The following EYS variants were observed in gnomAD, a reference collection of about 807,000 sequenced individuals.
EYS encodes protein eyes shut homolog.
EYS carries 250 observed loss-of-function variants against 282.1 expected under a neutral mutation model. The observed-to-expected ratio is 0.89, with a 90% confidence interval of 0.80 to 0.98. The LOEUF (loss-of-function observed/expected upper bound fraction) is 0.98. Ranked by LOEUF, EYS falls within the 50% of genes least tolerant of loss-of-function variation. The pLI is 0.00. For synonymous variants in EYS, 1,355 were observed against 1,282.9 expected, an observed-to-expected ratio of 1.06 and a Z score of -1.20; for missense variants, 4,016 against 3,709.0, an observed-to-expected ratio of 1.08 and a Z score of -2.15.
chr6:64,940,888 A>G (rs1369616406), intron 15 of EYS, among the ~76,000 whole-genome samples: 7 of 152,102 alleles, frequency 4.6e-5, no homozygotes, highest in Admixed American at 2.0e-4. Context: ...CCTTAATCAC[A>G]AGGCAAAAGA....
chr6:64,023,138 C>T (rs1055090257), intron 33 of EYS, among the ~76,000 whole-genome samples: 1 of 152,214 alleles, frequency 6.6e-6, no homozygotes, highest in African/African-American at 2.4e-5. Context: ...GATTATTGCA[C>T]TTAGCATAAA....
At chr6:65,545,532 G>A (rs1318255554) in intron 2 of EYS, among the ~76,000 whole-genome samples, 4 of 152,050 alleles carry the variant, frequency 2.6e-5, no homozygotes, top group Admixed American at 2.0e-4. Flanking sequence ...AAGAAAGTGG[G>A]ATCAAAGAGT....
chr6:65,067,099 A>C, intron 12 of EYS, among the ~76,000 whole-genome samples: 1 of 152,134 alleles, frequency 6.6e-6, no homozygotes, highest in East Asian at 1.9e-4. Flanking sequence ...GTTGGATCAA[A>C]CTAAAGAAAA....
chr6:64,802,023 C>CTTTTTTTCTTTTTTT (rs1663451250), intron 22 of EYS, among the ~76,000 whole-genome samples: 9 of 70,780 alleles, frequency 1.3e-4, no homozygotes, highest in African/African-American at 4.4e-4. Context: ...ATTTCTTTTT[C>CTTTTTTTCTTTTTTT]TTTTTTTTTC....
intron 12 of EYS, among the ~76,000 whole-genome samples, chr6:65,242,350 G>C (rs1767077720): frequency 6.6e-6 from 1 of 151,944 alleles, no homozygotes; most frequent in Admixed American, 6.6e-5. Flanking sequence ...TGCCTTTTCT[G>C]TATATTTCTT....
intron 8 of EYS, among the ~76,000 whole-genome samples, chr6:65,377,134 C>G (rs755738930): frequency 5.9e-5 from 9 of 152,096 alleles, no homozygotes; most frequent in Admixed American, 2.0e-4. Context: ...GTAAAACACT[C>G]CTCAACAAAT....
intron 9 of EYS, among the ~76,000 whole-genome samples, chr6:65,351,720 A>C (rs1420043771): frequency 6.6e-6 from 1 of 151,812 alleles, no homozygotes; most frequent in Non-Finnish European, 1.5e-5. Flanking sequence ...ATGTGAACTA[A>C]TTTGGTTGTA....
At chr6:64,773,651 CCTT>C (rs1773591538) in intron 22 of EYS, among the ~76,000 whole-genome samples, 1 of 151,660 alleles carries the variant, frequency 6.6e-6, no homozygotes, top group African/African-American at 2.4e-5. Flanking sequence ...ATTTTGGACT[CCTT>C]AATAATAGTC....
chr6:64,335,424 G>C (rs977115453), intron 29 of EYS, among the ~76,000 whole-genome samples: 1 of 151,992 alleles, frequency 6.6e-6, no homozygotes, highest in Non-Finnish European at 1.5e-5. Flanking sequence ...AGACTGAAAA[G>C]TTTTGGTTGC....
intron 31 of EYS, among the ~76,000 whole-genome samples, chr6:64,191,484 C>T (rs1447712486): frequency 6.8e-6 from 1 of 146,824 alleles, no homozygotes; most frequent in Non-Finnish European, 1.5e-5. Context: ...CCTTCCCCCC[C>T]CACCCCAAAA....
intron 31 of EYS, among the ~76,000 whole-genome samples, chr6:64,175,294 G>A (rs1303881708): frequency 2.0e-5 from 3 of 151,974 alleles, no homozygotes; most frequent in Admixed American, 6.6e-5. Context: ...CCTAACCTAG[G>A]TTCTCCAGAA....
chr6:65,656,780 G>A (rs1767845742), intron 1 of EYS, among the ~76,000 whole-genome samples: 1 of 151,918 alleles, frequency 6.6e-6, no homozygotes, highest in Non-Finnish European at 1.5e-5. Context: ...AATTGATGAA[G>A]ATGATTAAGA....
intron 32 of EYS, among the ~76,000 whole-genome samples, chr6:64,074,951 C>T (rs544664391): frequency 2.0e-5 from 3 of 152,010 alleles, no homozygotes; most frequent in African/African-American, 7.2e-5. Flanking sequence ...CTCACACTAA[C>T]TTGGGTTCAA....
intron 13 of EYS, among the ~76,000 whole-genome samples, chr6:65,013,120 C>T (rs966932903): frequency 5.3e-5 from 8 of 152,124 alleles, no homozygotes; most frequent in Non-Finnish European, 1.2e-4. Context: ...CATGCATACC[C>T]TTTCTTTCTA....
chr6:65,257,815 T>C (rs565758014), intron 12 of EYS, among the ~76,000 whole-genome samples: 5 of 151,888 alleles, frequency 3.3e-5, no homozygotes, highest in Non-Finnish European at 7.4e-5. Context: ...TTCATGGAGA[T>C]AGTGAGTAGA....
At chr6:64,883,011 A>G (rs74899842) in intron 19 of EYS, among the ~76,000 whole-genome samples, 6,544 of 151,618 alleles carry the variant, frequency 0.043, 199 homozygotes, top group East Asian at 0.17. Flanking sequence ...TGGTATGAGG[A>G]TCAGTACTTG....
At chr6:64,918,729 G>A (rs1768241059) in intron 15 of EYS, among the ~76,000 whole-genome samples, 1 of 152,186 alleles carries the variant, frequency 6.6e-6, no homozygotes, top group African/African-American at 2.4e-5. Context: ...TTCACTATTG[G>A]AAAGATAATG....
intron 22 of EYS, among the ~76,000 whole-genome samples, chr6:64,637,156 C>A (rs528316831): frequency 1.1e-5 from 1 of 94,856 alleles, no homozygotes; most frequent in Non-Finnish European, 2.3e-5. Context: ...ATGTTTATTG[C>A]GGCACTATTC....
At chr6:64,244,052 T>C (rs959939505) in intron 30 of EYS, among the ~76,000 whole-genome samples, 55 of 152,170 alleles carry the variant, frequency 3.6e-4, no homozygotes, top group African/African-American at 1.3e-3. Flanking sequence ...CCATAAAAAC[T>C]ATTAGAAAAT....
Sources: allele counts gnomAD v4.1 joint callset (sites outside exome capture counted in the v4.1 genomes callset), GRCh38; gene constraint gnomAD v4.1.1; transcripts MANE v1.5; gene names NCBI Gene and HGNC (gene_info 2026-07-23, HGNC 2026-07-21).